GABRG3: variants seen among roughly 807,000 people sequenced by gnomAD.
GABRG3 encodes the protein gamma-aminobutyric acid receptor subunit gamma-3.
Under a neutral mutation model 48.8 loss-of-function variants are expected in GABRG3, and 25 were observed. The ratio of observed to expected loss-of-function variants is 0.51; its 90% confidence interval spans 0.37 to 0.72. GABRG3 has a LOEUF of 0.72. GABRG3 is among the 30% of genes least tolerant of loss of function. The pLI is 0.00. For missense variants in GABRG3, 394 were observed against 577.9 expected, an observed-to-expected ratio of 0.68 and a Z score of 3.26; for synonymous variants, 227 against 217.6, an observed-to-expected ratio of 1.04 and a Z score of -0.38.
chr15:26,990,770 A>C (rs779610676), intron 2 of GABRG3, among the ~76,000 whole-genome samples: 13 of 148,282 alleles, frequency 8.8e-5, no homozygotes, highest in African/African-American at 3.0e-4. Flanking sequence ...TCCATATTTT[A>C]AGGTCTCGGA....
chr15:27,048,976 G>A (rs1019222516), intron 3 of GABRG3, among the ~76,000 whole-genome samples: 5 of 152,224 alleles, frequency 3.3e-5, no homozygotes, highest in African/African-American at 7.2e-5. Context: ...TGCCCACCAC[G>A]CTACGGGGCT....
intron 3 of GABRG3, among the ~76,000 whole-genome samples, chr15:27,149,795 A>G (rs1268258093): frequency 1.3e-5 from 2 of 152,204 alleles, no homozygotes; most frequent in Non-Finnish European, 2.9e-5. Context: ...CTGGGGAAAA[A>G]TAGTCTGGCT....
intron 3 of GABRG3, among the ~76,000 whole-genome samples, chr15:27,300,784 TAGAAATA>T (rs995416520): frequency 8.6e-5 from 13 of 151,482 alleles, no homozygotes; most frequent in African/African-American, 2.2e-4. Flanking sequence ...CTGGAAATTT[TAGAAATA>T]AGAAATAACT....
At chr15:27,218,382 T>C (rs1467976985) in intron 3 of GABRG3, among the ~76,000 whole-genome samples, 1 of 152,166 alleles carries the variant, frequency 6.6e-6, no homozygotes, top group Admixed American at 6.5e-5. Context: ...AATTTTATGC[T>C]CTTATTCAGA....
Position 27,310,586 on chromosome 15 carries a change from GA to G in GABRG3, c.271-16221del, listed in dbSNP as rs2140506569. 2.6e-5 allele frequency among the ~76,000 whole-genome samples: 4 copies of G among 152,214 alleles called. No individual in the cohort carries two copies. In the South Asian group the frequency reaches 8.3e-4, roughly 32 times the overall value. On this transcript the variant is annotated intron_variant, in intron 3 of 9. Coordinates refer to ENST00000615808, the MANE Select transcript of GABRG3 (RefSeq NM_033223.5). ...GCAGAGTCAATGCAACTCCTTATCA[GA>G]ATTTCAATGGTTTTTATTTTTTGTG... is the stretch of plus-strand genomic sequence containing the variant.
chr15:27,101,795 C>G (rs1202888738), intron 3 of GABRG3, among the ~76,000 whole-genome samples: 1 of 131,632 alleles, frequency 7.6e-6, no homozygotes, highest in Non-Finnish European at 1.5e-5. Flanking sequence ...CCACAATTGT[C>G]TTAGGCCATA....
Position 27,534,395 on chromosome 15 carries a change from T to C in GABRG3, c.*1514T>C, listed in dbSNP as rs970197106. On this transcript the variant is annotated 3_prime_UTR_variant, in exon 10 of 10. Transcript: ENST00000615808. Reference sequence around the variant, plus strand: ...TTGCTGCTTGCTGTTAGTTCTTTGTTATAACTGGATGCCAATGTGAACTGC... The same window carrying C: ...TTGCTGCTTGCTGTTAGTTCTTTGTCATAACTGGATGCCAATGTGAACTGC... The C allele has an allele frequency of 1.3e-5, 2 of 152,198 alleles. No individual in the cohort carries two copies. The highest frequency in any genetic ancestry group is 2.4e-5 in the African/African-American group (1 of 41,442). The allele number at this position is 152,198 out of a possible 1,614,324, so 9.4% of individuals were successfully genotyped here. A position where few individuals can be genotyped will look rare whatever the true frequency, so the allele number is the denominator to read the frequency against.
chr15:27,087,767 T>G (rs1158600701), intron 3 of GABRG3, among the ~76,000 whole-genome samples: 1 of 151,436 alleles, frequency 6.6e-6, no homozygotes, highest in African/African-American at 2.4e-5. Flanking sequence ...GTGTGGTGTG[T>G]GTATATGTAG....
chr15:27,144,476 A>G (rs1413342590), intron 3 of GABRG3, among the ~76,000 whole-genome samples: 1 of 151,238 alleles, frequency 6.6e-6, no homozygotes, highest in Non-Finnish European at 1.5e-5. Flanking sequence ...TCCCAGTAGA[A>G]ATAGTCTTTT....
intron 3 of GABRG3, among the ~76,000 whole-genome samples, chr15:27,287,821 C>T (rs1555415254): frequency 6.7e-6 from 1 of 149,436 alleles, no homozygotes; most frequent in Non-Finnish European, 1.5e-5. Flanking sequence ...TCACTGCAAG[C>T]TCCGCCTCCT....
At chr15:27,346,622 T>G (rs2140532416) in intron 5 of GABRG3, among the ~76,000 whole-genome samples, 1 of 113,442 alleles carries the variant, frequency 8.8e-6, no homozygotes, top group East Asian at 2.7e-4. Flanking sequence ...AATGTTCTAG[T>G]CTTGCTTTTT....
At chr15:27,445,711 C>A (rs1045135790) in intron 5 of GABRG3, among the ~76,000 whole-genome samples, 1 of 151,900 alleles carries the variant, frequency 6.6e-6, no homozygotes, top group Admixed American at 6.6e-5. Context: ...ATATTTATAT[C>A]TTTGGTGTCA....
At chr15:27,020,579 T>G (rs61998074) in intron 2 of GABRG3, among the ~76,000 whole-genome samples, 1 of 30,726 alleles carries the variant, frequency 3.3e-5, no homozygotes, top group Non-Finnish European at 7.6e-5. Flanking sequence ...GCCCGGCTAA[T>G]TTTTTTTTTT....
chr15:27,503,202 C>T (rs1252718604), intron 6 of GABRG3, among the ~76,000 whole-genome samples: 4 of 152,176 alleles, frequency 2.6e-5, no homozygotes. Flanking sequence ...ACAGGCATCA[C>T]CTGGGAGATG....
At chr15:27,433,545 A>G (rs1290422517) in intron 5 of GABRG3, among the ~76,000 whole-genome samples, 3 of 152,082 alleles carry the variant, frequency 2.0e-5, no homozygotes, top group Non-Finnish European at 4.4e-5. Flanking sequence ...GGAGAAGTGG[A>G]TTTTCAGACG....
intron 2 of GABRG3, among the ~76,000 whole-genome samples, chr15:27,002,227 G>A (rs551531064): frequency 1.2e-4 from 19 of 152,220 alleles, no homozygotes; most frequent in African/African-American, 3.9e-4. Flanking sequence ...GACTGAACTC[G>A]CACTCGAAGG....
At chr15:27,440,905 G>T (rs1888764152) in intron 5 of GABRG3, among the ~76,000 whole-genome samples, 1 of 152,212 alleles carries the variant, frequency 6.6e-6, no homozygotes, top group Non-Finnish European at 1.5e-5. Context: ...GTAAACCATA[G>T]ATTTTAGCAC....
intron 3 of GABRG3, among the ~76,000 whole-genome samples, chr15:27,225,301 C>T (rs868397898): frequency 3.9e-5 from 6 of 151,980 alleles, no homozygotes; most frequent in Admixed American, 2.0e-4. Flanking sequence ...TCCCAGACAC[C>T]GCCCTGCAGG....
intron 3 of GABRG3, among the ~76,000 whole-genome samples, chr15:27,212,420 T>G (rs1294320068): frequency 6.6e-6 from 1 of 152,250 alleles, no homozygotes; most frequent in African/African-American, 2.4e-5. Context: ...GCATATCCAT[T>G]CAGTATTTGG....
Sources: gnomAD v4.1 joint callset for allele counts (sites outside exome capture counted in the v4.1 genomes callset) on GRCh38, gnomAD v4.1.1 for gene constraint, MANE v1.5 for transcripts, NCBI Gene and HGNC (gene_info 2026-07-23, HGNC 2026-07-21) for gene names.